PTK7: variants seen among roughly 807,000 people sequenced by gnomAD.
The protein encoded by PTK7 is inactive tyrosine-protein kinase 7.
PTK7 carries 39 observed loss-of-function variants against 116.6 expected under a neutral mutation model. The observed-to-expected ratio is 0.33, with a 90% CI of 0.26 to 0.44. PTK7 has a LOEUF of 0.44. PTK7 is among the 20% of genes least tolerant of loss of function. The probability of loss-of-function intolerance (pLI) is 1.00; values close to 1 mark genes in which losing one functional copy is unlikely to be tolerated. For missense variants in PTK7, 1,169 were observed against 1,425.6 expected (o/e 0.82, Z 2.90); for synonymous variants, 546 against 563.6 (o/e 0.97, Z 0.44).
At chr6:43,124,175 G>T (rs1307485931) in intron 1 of PTK7, among the ~76,000 whole-genome samples, 1 of 152,148 alleles carries the variant, frequency 6.6e-6, no homozygotes, top group East Asian at 1.9e-4. Context: ...TCAAGTCAGG[G>T]GGCGGGGACA....
chr6:43,123,387 G>A (rs1354361840), intron 1 of PTK7, among the ~76,000 whole-genome samples: 1 of 152,176 alleles, frequency 6.6e-6, no homozygotes, highest in African/African-American at 2.4e-5. Context: ...CTGAGAGATG[G>A]GTAGTTGAGT....
chr6:43,100,260 A>G (rs1042335772), intron 1 of PTK7, among the ~76,000 whole-genome samples: 37 of 152,092 alleles, frequency 2.4e-4, no homozygotes, highest in African/African-American at 7.7e-4. Flanking sequence ...GCGGGTGCCT[A>G]TAGTCCCAGC....
chr6:43,113,278 C>A (rs1015922255), intron 1 of PTK7, among the ~76,000 whole-genome samples: 1 of 151,944 alleles, frequency 6.6e-6, no homozygotes, highest in Non-Finnish European at 1.5e-5. Context: ...ACTAAAAATA[C>A]AAAAATTAGC....
At chr6:43,138,702 C>CT in intron 7 of PTK7, 147 bp from the exon 8 acceptor site, 1 of 1,167,460 alleles carries the variant, frequency 8.6e-7, no homozygotes, top group South Asian at 1.9e-5. Context: ...GCACCTGGGT[C>CT]TTCCGTAAAG....
At chr6:43,122,647 C>T (rs1769030511) in intron 1 of PTK7, among the ~76,000 whole-genome samples, 1 of 149,540 alleles carries the variant, frequency 6.7e-6, no homozygotes, top group Admixed American at 6.7e-5. Context: ...TGCTCTGTCA[C>T]CCAGGCTGGA....
intron 1 of PTK7, among the ~76,000 whole-genome samples, chr6:43,090,181 C>G (rs1766869870): frequency 6.6e-6 from 1 of 152,178 alleles, no homozygotes. Flanking sequence ...AGAGCGTGGG[C>G]TCAGCCTAGC....
At chr6:43,131,710 A>G in intron 5 of PTK7, 1 of 401,950 alleles carries the variant, frequency 2.5e-6, no homozygotes. Context: ...GGGAGCTACA[A>G]TTTAAGATGA....
chr6:43,127,517 A>C (rs966970880), intron 1 of PTK7, among the ~76,000 whole-genome samples: 4 of 152,188 alleles, frequency 2.6e-5, no homozygotes, highest in Admixed American at 1.3e-4. Flanking sequence ...CTGTGGCCAG[A>C]GCTGAACTAT....
At chr6:43,095,492 T>C (rs748899687) in intron 1 of PTK7, among the ~76,000 whole-genome samples, 4 of 152,120 alleles carry the variant, frequency 2.6e-5, no homozygotes, top group African/African-American at 4.8e-5. Flanking sequence ...TTACCACATA[T>C]GGGTTTCGGA....
intron 5 of PTK7, 154 bp from the exon 6 acceptor site, chr6:43,131,862 C>T: frequency 1.0e-6 from 1 of 998,698 alleles, no homozygotes; most frequent in Non-Finnish European, 1.5e-6. Flanking sequence ...CAGGCACACA[C>T]ACCAGTCTGG....
At chr6:43,118,827 G>A (rs1044887045) in intron 1 of PTK7, among the ~76,000 whole-genome samples, 5 of 147,928 alleles carry the variant, frequency 3.4e-5, no homozygotes, top group Admixed American at 2.0e-4. Context: ...AGGCTGCAGT[G>A]ACGTGATCTT....
chr6:43,123,231 A>G (rs1437357013), intron 1 of PTK7, among the ~76,000 whole-genome samples: 3 of 152,216 alleles, frequency 2.0e-5, no homozygotes, highest in Non-Finnish European at 4.4e-5. Flanking sequence ...CTGGGATTAC[A>G]GGCGTGAGTC....
intron 1 of PTK7, among the ~76,000 whole-genome samples, chr6:43,104,510 G>T (rs1186243040): frequency 6.6e-6 from 1 of 151,330 alleles, no homozygotes; most frequent in South Asian, 2.1e-4. Flanking sequence ...CCCTGGGAGG[G>T]AGTAATTCTC....
At position 43,146,657 on chromosome 6, in the gene PTK7, G is replaced by A. The variant is rs750345652; in HGVS notation, c.2680G>A (p.Asp894Asn). The A allele has an allele frequency of 6.2e-7, 1 of 1,613,542 alleles. No homozygotes were observed. The change falls in exon 17 of 20, where the codon GAT becomes AAT. Residue 894 changes from aspartate to asparagine, a missense_variant. Physicochemically the swap from Asp to Asn is conservative, Grantham distance 23. This residue lies in a region of PTK7 where 678 missense variants were observed against 853.8 expected (regional missense o/e 0.79). Transcript: ENST00000230419. Reference protein sequence around the residue: ...KQFLRISKSKDEKLKSQPLST... With the variant: ...KQFLRISKSKNEKLKSQPLST... ...GTTCCTGAGGATTTCCAAGAGCAAG[G>A]ATGAAAAATTGAAGTCACAGCCCCT... is the stretch of plus-strand genomic sequence containing the variant.
chr6:43,130,820 C>T (rs1769626321), intron 5 of PTK7, among the ~76,000 whole-genome samples, 159 bp downstream of exon 5: 1 of 152,152 alleles, frequency 6.6e-6, no homozygotes, highest in Admixed American at 6.5e-5. Flanking sequence ...CAAGATGAGT[C>T]TGACACAGGG....
At chr6:43,107,953 G>A (rs1469977641) in intron 1 of PTK7, among the ~76,000 whole-genome samples, 1 of 152,150 alleles carries the variant, frequency 6.6e-6, no homozygotes, top group East Asian at 1.9e-4. Context: ...GTTAAATAGC[G>A]GTATTAGGGT....
intron 1 of PTK7, among the ~76,000 whole-genome samples, chr6:43,082,279 G>A (rs536494961): frequency 2.6e-5 from 4 of 152,216 alleles, no homozygotes; most frequent in East Asian, 3.9e-4. Flanking sequence ...GGGTTCAAGC[G>A]ATTCTCCTGC....
chr6:43,157,344 ATATATATATATATATATAT>A (rs1771510220), intron 17 of PTK7, among the ~76,000 whole-genome samples: 2 of 10,850 alleles, frequency 1.8e-4, no homozygotes, highest in African/African-American at 1.1e-3. Context: ...ATATATATAT[ATATATATATATATATATAT>A]ATTTTTTTTT....
chr6:43,078,895 G>C (rs1051671791), intron 1 of PTK7, among the ~76,000 whole-genome samples: 2 of 152,120 alleles, frequency 1.3e-5, no homozygotes, highest in Non-Finnish European at 2.9e-5. Flanking sequence ...AAATTGAGTC[G>C]TCATGTTCTG....
Sources: gnomAD v4.1 joint callset for allele counts (sites outside exome capture counted in the v4.1 genomes callset) on GRCh38, gnomAD v4.1.1 for gene constraint, gnomAD v4.1.1 regional missense constraint, MANE v1.5 for transcripts, NCBI Gene and HGNC (gene_info 2026-07-23, HGNC 2026-07-21) for gene names.